ST14: variants seen among roughly 807,000 people sequenced by gnomAD.
ST14 encodes suppressor of tumorigenicity 14 protein.
Under a neutral mutation model 96.5 loss-of-function variants are expected in ST14, and 40 were observed. The observed-to-expected ratio is 0.41, with a 90% CI of 0.32 to 0.54. The LOEUF (loss-of-function observed/expected upper bound fraction) is 0.54, where lower values mean the gene tolerates loss of function less well. ST14 is among the 20% of genes least tolerant of loss of function. The pLI is 0.17. For synonymous variants in ST14, 506 were observed against 492.1 expected (o/e 1.03, Z -0.37); for missense variants, 1,066 against 1,188.9 (o/e 0.90, Z 1.52).
chr11:130,179,932 A>G (rs930128700), intron 1 of ST14, among the ~76,000 whole-genome samples: 4 of 152,050 alleles, frequency 2.6e-5, no homozygotes, highest in African/African-American at 9.7e-5. Flanking sequence ...GGCATCTTCG[A>G]CCTGCCACAG....
Position 130,188,244 on chromosome 11 carries a change from G to A in ST14, c.212G>A (p.Gly71Glu), listed in dbSNP as rs1953257915. 1.2e-6 allele frequency: 2 copies of A among 1,613,892 alleles called. No individual in the cohort carries two copies. The highest frequency in any genetic ancestry group is 2.7e-5 in the African/African-American group (2 of 74,932). ...VLIGLLLVLL[G>E]IGFLVWHLQY... ...ATCGGCCTCCTCTTGGTCTTGCTGGGGATCGGCTTCCTGGTGTGGCATTTG... is the reference window on the plus strand; with the variant it reads ...ATCGGCCTCCTCTTGGTCTTGCTGGAGATCGGCTTCCTGGTGTGGCATTTG... The change falls in exon 2 of 19, where the codon GGG becomes GAG. Residue 71 changes from glycine to glutamate, a missense_variant. Transcript: ENST00000278742. The surrounding 1 kb of genome is among the most constrained non-coding windows in gnomAD (Gnocchi z 5.4).
chr11:130,199,961 G>T lies in ST14; in HGVS notation c.1818G>T (p.Leu606=). Residue 606 remains leucine, a synonymous_variant, in exon 16 of 19, where the codon CTG becomes CTT. Transcript: ENST00000278742. ...CTGCTCCCTCTGCAGACTGTGGGCT[G>T]CGGTCATTCACGAGACAGGCTCGTG... ...GSDEKDCDCG[L]RSFTRQARVV... 1 of 1,614,212 alleles carries T rather than the reference G, an allele frequency of 6.2e-7. No homozygotes were observed. The highest frequency in any genetic ancestry group is 1.1e-5 in the South Asian group (1 of 91,090).
chr11:130,188,325 C>T lies in ST14; in HGVS notation c.241+52C>T, dbSNP rs546797021. 6.3e-7 allele frequency: 1 copy of T among 1,594,432 alleles called. No homozygotes were observed. Among genetic ancestry groups the T allele is most frequent in the African/African-American group, 1.3e-5 (1 of 74,700 alleles). ...GGAGGACGACAAGGGGTGGCTGTCC[C>T]TCTTCCCTCAGCGGACAGACCCAGG... On this transcript the variant is annotated intron_variant, in intron 2 of 18. Coordinates refer to ENST00000278742, the MANE Select transcript of ST14 (RefSeq NM_021978.4). The surrounding 1 kb of genome is among the most constrained non-coding windows in gnomAD (Gnocchi z 5.4).
chr11:130,209,626 G>A (rs777629456), intron 18 of ST14, 36 bp from the exon 19 acceptor site: 11 of 1,575,940 alleles, frequency 7.0e-6, no homozygotes, highest in Non-Finnish European at 8.6e-6. Context: ...GGAGAGGCGG[G>A]ACTGGGGACT....
chr11:130,199,132 G>T, intron 15 of ST14, 63 bp downstream of exon 15: 1 of 1,555,774 alleles, frequency 6.4e-7, no homozygotes, highest in Middle Eastern at 1.8e-4. Context: ...CCACCAGAGG[G>T]TGCACCTGGA....
intron 1 of ST14, among the ~76,000 whole-genome samples, chr11:130,167,028 T>C (rs1304960055): frequency 2.0e-5 from 3 of 152,096 alleles, no homozygotes; most frequent in Non-Finnish European, 4.4e-5. Context: ...CTGGCCAACA[T>C]GGTGAAACCC....
Position 130,209,644 on chromosome 11 carries a change from G to A in ST14, c.2407-18G>A, listed in dbSNP as rs1164822619. ...GAGGCGGGACTGGGGACTCACGGCA[G>A]GGCTTGTCTCCGCCCAGGGTGATTC... On this transcript the variant is annotated intron_variant, in intron 18 of 18. Coordinates refer to ENST00000278742, the MANE Select transcript of ST14 (RefSeq NM_021978.4). 4 of 1,596,406 alleles carry A rather than the reference G, an allele frequency of 2.5e-6. No individual in the cohort carries two copies. In the East Asian group the frequency reaches 6.8e-5, roughly 27 times the overall value.
rs756538427 is a variant in ST14, at chr11:130,189,750, T to A, written c.452T>A (p.Val151Asp). Reference sequence around the variant, plus strand: ...CGCTCTCTCCCCAGCGAGGGCAGCGTCATCGCCTACTACTGGTCTGAGTTC... The same window carrying A: ...CGCTCTCTCCCCAGCGAGGGCAGCGACATCGCCTACTACTGGTCTGAGTTC... ...SAVTAFSEGS[V>D]IAYYWSEFSI... Residue 151 changes from valine to aspartate, a missense_variant, in exon 5 of 19, where the codon GTC (valine) becomes GAC (aspartate). Transcript: ENST00000278742. The A allele has an allele frequency of 2.5e-6, 4 of 1,612,812 alleles. No homozygotes were observed. The Admixed American group carries it at 5.0e-5, about 20-fold the overall frequency.
chr11:130,193,268 G>A (rs1310712520), intron 7 of ST14, among the ~76,000 whole-genome samples: 1 of 151,938 alleles, frequency 6.6e-6, no homozygotes, highest in Non-Finnish European at 1.5e-5. Flanking sequence ...TTTTGATTAT[G>A]GAGATGAGGC....
chr11:130,209,582 G>C lies in ST14; in HGVS notation c.2406+4G>C, dbSNP rs201475787. On this transcript the variant is annotated splice_donor_region_variant and intron_variant, in intron 18 of 18. Transcript: ENST00000278742. ...CGGCGGCGTGGACTCCTGCCAGGTG[G>C]CCCCCGGGGCAGGAGGGCGGCAGGT... 4.9e-4 allele frequency: 772 copies of C among 1,578,734 alleles called. 4 individuals are homozygous for C. The African/African-American group carries it at 9.6e-3, about 20-fold the overall frequency.
At chr11:130,196,250 TG>T in intron 9 of ST14, 88 bp from the exon 10 acceptor site, 1 of 986,516 alleles carries the variant, frequency 1.0e-6, no homozygotes, top group Non-Finnish European at 1.6e-6. Flanking sequence ...CATCTCTCCC[TG>T]GTCCATGCCG....
At chr11:130,185,671 C>T (rs59137949) in intron 1 of ST14, among the ~76,000 whole-genome samples, 2,651 of 152,138 alleles carry the variant, frequency 0.017, 78 homozygotes, top group African/African-American at 0.058. Flanking sequence ...AACAAAAAGA[C>T]CCAATTCAAA....
At chr11:130,206,977 A>G (rs1953496441) in intron 16 of ST14, among the ~76,000 whole-genome samples, 1 of 151,910 alleles carries the variant, frequency 6.6e-6, no homozygotes, top group African/African-American at 2.4e-5. Flanking sequence ...ACCCTTTTTT[A>G]TTATTCCACC....
chr11:130,190,537 G>GCT lies in ST14; in HGVS notation c.720_721dup (p.His241LeufsTer17). 6.2e-7 allele frequency: 1 copy of GCT among 1,611,308 alleles called. No homozygotes were observed. Among genetic ancestry groups the GCT allele is most frequent in the Non-Finnish European group, 8.5e-7 (1 of 1,179,806 alleles). On this transcript the variant is annotated frameshift_variant, in exon 7 of 19. Coordinates refer to ENST00000278742, the MANE Select transcript of ST14 (RefSeq NM_021978.4). LOFTEE classifies it high-confidence loss of function. ...CGGCTTCCCTGACAGCCCCTACCCC[G>GCT]CTCATGCCCGCTGCCAGTGGGCCCT...
rs1953411179 is a variant in ST14 at position 130,200,038 on chromosome 11, T to C, written c.1895T>C (p.Leu632Pro). The change falls in exon 16 of 19, where the codon CTG (leucine) becomes CCG (proline). Residue 632 changes from leucine to proline, a missense_variant. Leu to Pro is a moderately conservative substitution (Grantham distance 98). Coordinates refer to ENST00000278742, the MANE Select transcript of ST14 (RefSeq NM_021978.4). ...GGCGAGTGGCCCTGGCAGGTAAGCC[T>C]GCATGCTCTGGGCCAGGGCCACATC... ...DEGEWPWQVS[L>P]HALGQGHICG... The C allele has an allele frequency of 6.2e-7, 1 of 1,614,164 alleles. No individual in the cohort carries two copies. The highest frequency in any genetic ancestry group is 8.5e-7 in the Non-Finnish European group (1 of 1,180,044).
chr11:130,194,454 A>G (rs956523280), intron 8 of ST14, among the ~76,000 whole-genome samples, 166 bp downstream of exon 8: 2 of 152,178 alleles, frequency 1.3e-5, no homozygotes, highest in African/African-American at 2.4e-5. Flanking sequence ...CATCTGGCCG[A>G]CCGCCTGGGT....
intron 17 of ST14, among the ~76,000 whole-genome samples, 175 bp from the exon 18 acceptor site, chr11:130,209,267 C>T (rs1953521509): frequency 6.6e-6 from 1 of 152,272 alleles, no homozygotes. Context: ...CCCCTGCTTC[C>T]TCTAGGTGGC....
intron 1 of ST14, among the ~76,000 whole-genome samples, chr11:130,163,712 T>C (rs1953016884): frequency 6.6e-6 from 1 of 152,184 alleles, no homozygotes; most frequent in Non-Finnish European, 1.5e-5. Flanking sequence ...AAATCTGCCT[T>C]CTCCAGGGGC....
intron 1 of ST14, among the ~76,000 whole-genome samples, chr11:130,178,089 A>G (rs1953158184): frequency 6.6e-6 from 1 of 152,242 alleles, no homozygotes; most frequent in African/African-American, 2.4e-5. Flanking sequence ...ACTCCAGTCA[A>G]TATTGCAAAC....
Sources: allele counts gnomAD v4.1 joint callset (sites outside exome capture counted in the v4.1 genomes callset), GRCh38; gene constraint gnomAD v4.1.1; non-coding constraint Gnocchi (gnomAD v3.1); transcripts MANE v1.5; gene names NCBI Gene and HGNC (gene_info 2026-07-23, HGNC 2026-07-21).